Variants in TNS1 observed in about 807,000 individuals in gnomAD.
The protein encoded by TNS1 is tensin-1.
Under a neutral mutation model 168.6 loss-of-function variants are expected in TNS1, and 62 were observed. That is an observed-to-expected ratio of 0.37 (90% CI 0.30 to 0.45). TNS1 has a LOEUF of 0.45. Ranked by LOEUF, TNS1 falls within the 20% of genes least tolerant of loss-of-function variation. TNS1 has a pLI of 1.00. For synonymous variants in TNS1, 934 were observed against 933.2 expected (o/e 1.00, Z -0.02); for missense variants, 2,240 against 2,339.4 (o/e 0.96, Z 0.88).
intron 3 of TNS1, among the ~76,000 whole-genome samples, chr2:217,928,647 G>C (rs1442285781): frequency 6.6e-6 from 1 of 152,084 alleles, no homozygotes; most frequent in Non-Finnish European, 1.5e-5. Flanking sequence ...CAGGACACAG[G>C]GGAGTCCCAG....
intron 32 of TNS1, among the ~76,000 whole-genome samples, chr2:217,805,535 C>A (rs369947087): frequency 0.018 from 23 of 1,310 alleles, no homozygotes; most frequent in Admixed American, 0.045. Flanking sequence ...CCACACACAC[C>A]ACACACACCA....
intron 1 of TNS1, among the ~76,000 whole-genome samples, chr2:218,008,103 G>A (rs1466648587): frequency 2.0e-5 from 3 of 152,132 alleles, no homozygotes; most frequent in African/African-American, 7.2e-5. Flanking sequence ...GACACGAGAA[G>A]GAGCCTCACT....
chr2:217,824,876 G>A (rs1268485001), intron 22 of TNS1, among the ~76,000 whole-genome samples: 2 of 152,140 alleles, frequency 1.3e-5, no homozygotes, highest in African/African-American at 4.8e-5. Context: ...CTCTTTGGCT[G>A]CCCGTGGGCT....
chr2:217,901,961 A>G (rs1953046665), intron 6 of TNS1: 1 of 152,280 alleles, frequency 6.6e-6, no homozygotes, highest in African/African-American at 2.4e-5. Flanking sequence ...CCTCGGACCA[A>G]TGAGCAGCTC....
At chr2:217,818,780 G>T (rs1168337463) in intron 23 of TNS1, 21 bp from the exon 24 acceptor site, 3 of 1,583,752 alleles carry the variant, frequency 1.9e-6, no homozygotes, top group African/African-American at 2.7e-5. Flanking sequence ...ATGGCAGGTT[G>T]CGATGTCAGT....
intron 21 of TNS1, 70 bp downstream of exon 21, chr2:217,835,021 C>A: frequency 7.0e-7 from 1 of 1,423,152 alleles, no homozygotes; most frequent in Non-Finnish European, 9.4e-7. Flanking sequence ...CTGGGGCACT[C>A]CCACAGGCAG....
At chr2:218,003,634 T>A (rs140175743), upstream of TNS1, among the ~76,000 whole-genome samples, 2 of 151,946 alleles carry the variant, frequency 1.3e-5, no homozygotes, top group African/African-American at 2.4e-5. Flanking sequence ...TCTTTTTTTT[T>A]CCCCCTTCTT....
rs767584067 is a variant in TNS1 at position 217,803,057 on chromosome 2, C to A, written c.*1402G>T. 5.2e-5 allele frequency: 8 copies of A among 152,604 alleles called. No individual in the cohort carries two copies. The highest frequency in any genetic ancestry group is 7.3e-5 in the Non-Finnish European group (5 of 68,104). The allele number at this position is 152,604 out of a possible 1,614,324, so 9.5% of individuals were successfully genotyped here. Reference sequence around the variant, plus strand: ...GGGCAGCGTGGCTCAGCTAGGGAAACCAAGGCAGAAAGGGTGACAGTGAGG... The same window carrying A: ...GGGCAGCGTGGCTCAGCTAGGGAAAACAAGGCAGAAAGGGTGACAGTGAGG... On this transcript the variant is annotated 3_prime_UTR_variant, in exon 33 of 33. Transcript: ENST00000682258.
chr2:217,886,319 A>C (rs1951196986), intron 13 of TNS1, among the ~76,000 whole-genome samples: 1 of 152,244 alleles, frequency 6.6e-6, no homozygotes, highest in Admixed American at 6.5e-5. Flanking sequence ...ATTAATAAAA[A>C]CATTGCCCAT....
intron 4 of TNS1, among the ~76,000 whole-genome samples, chr2:217,907,839 C>G (rs889313790): frequency 5.3e-5 from 8 of 152,200 alleles, no homozygotes; most frequent in African/African-American, 1.9e-4. Context: ...GCTCCATCAG[C>G]CCCAGCCCCT....
chr2:217,859,576 G>A, intron 18 of TNS1: 1 of 1,438,682 alleles, frequency 7.0e-7, no homozygotes, highest in South Asian at 1.2e-5. Context: ...TTCTGGCTTG[G>A]CAACTTGACA....
At chr2:217,874,454 T>A (rs1455619922) in intron 18 of TNS1, among the ~76,000 whole-genome samples, 1 of 152,178 alleles carries the variant, frequency 6.6e-6, no homozygotes, top group Non-Finnish European at 1.5e-5. Context: ...GAAGCCCTTT[T>A]TGAAATCCAT....
intron 2 of TNS1, among the ~76,000 whole-genome samples, chr2:217,983,674 C>A (rs1343780879): frequency 6.6e-6 from 1 of 152,184 alleles, no homozygotes; most frequent in Non-Finnish European, 1.5e-5. Context: ...GAGCACATAG[C>A]CTCAGTGTGC....
chr2:217,909,265 G>A (rs950840889), intron 4 of TNS1, among the ~76,000 whole-genome samples: 1 of 152,082 alleles, frequency 6.6e-6, no homozygotes, highest in Non-Finnish European at 1.5e-5. Flanking sequence ...GGAAGGAAGG[G>A]AACTCCCAGA....
In TNS1 at chr2:217,804,256, TTC is replaced by T. The variant is rs71403015; in HGVS notation, c.*201_*202del. ...GAATCCAAGTTCTTCTCCTCCATCT[TTC>T]TCTCTCTCTCTCTCTCTCTCTCTCT... On this transcript the variant is annotated 3_prime_UTR_variant, in exon 33 of 33. Coordinates refer to ENST00000682258, the MANE Select transcript of TNS1 (RefSeq NM_001387777.1). 0.1 allele frequency: 41,805 copies of T among 411,342 alleles called. 10 individuals carry two copies. Among genetic ancestry groups the T allele is most frequent in the East Asian group, 0.25 (6,334 of 25,702 alleles). The allele number at this position is 411,342 out of a possible 1,614,324, so 25.5% of individuals were successfully genotyped here.
chr2:217,809,750 G>A (rs1940472405), intron 30 of TNS1, 73 bp downstream of exon 30: 2 of 1,471,558 alleles, frequency 1.4e-6, no homozygotes, highest in Admixed American at 1.8e-5. Flanking sequence ...AGTGGTAAAT[G>A]TGTGGGTACA....
At chr2:217,950,608 C>T (rs912539376) in intron 3 of TNS1, among the ~76,000 whole-genome samples, 4 of 149,906 alleles carry the variant, frequency 2.7e-5, no homozygotes, top group African/African-American at 9.9e-5. Flanking sequence ...CTGGTTCCCA[C>T]TCCCTAGGCC....
Position 217,821,867 on chromosome 2 carries a change from T to A in TNS1, c.3445A>T (p.Lys1149Ter). The change falls in exon 23 of 33, where the codon AAG becomes TAG. Residue 1149 changes from lysine (K) to a stop codon, truncating the protein, a stop_gained. Coordinates refer to ENST00000682258, the MANE Select transcript of TNS1 (RefSeq NM_001387777.1). LOFTEE classifies it high-confidence loss of function. ...TGGGTGGCTGGAGCACTAAAGCTCT[T>A]GGGCTCAGAGTCCTGAGCTCGGGGT... ...AGPRAQDSEP[K>*]SFSAPATQAY... The A allele has an allele frequency of 6.3e-7, 1 of 1,589,254 alleles. No homozygotes were observed.
chr2:217,863,972 A>C (rs568072565), intron 18 of TNS1, among the ~76,000 whole-genome samples: 20 of 152,310 alleles, frequency 1.3e-4, no homozygotes, highest in African/African-American at 4.6e-4. Flanking sequence ...CCATCGGAGC[A>C]GGACAAGCTT....
Sources: gnomAD v4.1 joint callset for allele counts (sites outside exome capture counted in the v4.1 genomes callset) on GRCh38, gnomAD v4.1.1 for gene constraint, MANE v1.5 for transcripts, NCBI Gene and HGNC (gene_info 2026-07-23, HGNC 2026-07-21) for gene names.